The following EPB41L4A variants were observed in gnomAD, a reference collection of about 807,000 sequenced individuals.
The protein encoded by EPB41L4A is band 4.1-like protein 4A.
Under a neutral mutation model 108.6 loss-of-function variants are expected in EPB41L4A, and 100 were observed. The ratio of observed to expected loss-of-function variants is 0.92; its 90% CI spans 0.78 to 1.09. EPB41L4A has a LOEUF of 1.09. Ranked by LOEUF, EPB41L4A falls within the 50% of genes least tolerant of loss-of-function variation. The pLI, the probability that EPB41L4A is intolerant of heterozygous loss-of-function variation, is 0.00. For missense variants in EPB41L4A, 1,030 were observed against 842.7 expected, an observed-to-expected ratio of 1.22 and a Z score of -2.75; for synonymous variants, 319 against 289.0, an observed-to-expected ratio of 1.10 and a Z score of -1.05.
At chr5:112,283,088 G>C (rs1004067186) in intron 2 of EPB41L4A, among the ~76,000 whole-genome samples, 2 of 152,132 alleles carry the variant, frequency 1.3e-5, no homozygotes, top group Non-Finnish European at 2.9e-5. Context: ...TTCCTTGAGA[G>C]TGATTAAATT....
At chr5:112,295,951 T>C (rs1753959950) in intron 2 of EPB41L4A, among the ~76,000 whole-genome samples, 1 of 152,236 alleles carries the variant, frequency 6.6e-6, no homozygotes, top group African/African-American at 2.4e-5. Flanking sequence ...CTTTGCCTTA[T>C]CTGTCTTAGG....
intron 17 of EPB41L4A, chr5:112,191,945 T>C (rs183795818): frequency 2.6e-5 from 4 of 152,242 alleles, no homozygotes; most frequent in East Asian, 1.9e-4. Flanking sequence ...TTAGAGACCT[T>C]ATGGGCAAGA....
At chr5:112,267,978 C>T (rs1169666194) in intron 4 of EPB41L4A, among the ~76,000 whole-genome samples, 3 of 152,194 alleles carry the variant, frequency 2.0e-5, no homozygotes, top group African/African-American at 7.2e-5. Context: ...ATTTTCAATT[C>T]CCTGAATGTT....
In EPB41L4A at chr5:112,169,043, C is replaced by T. The variant is rs756855321; in HGVS notation, c.1802G>A (p.Arg601His). ...CTCCCCATCTGAACACTGGGACCTG[C>T]GATACTGGCGGTAACTTCGTGGCGA... is the stretch of plus-strand genomic sequence containing the variant. ...SHSPRSYRQY[R>H]RSQCSDGERS... is the part of the protein sequence containing the mutation. The change falls in exon 21 of 23, where the codon CGC (arginine) becomes CAC (histidine). Residue 601 changes from arginine to histidine, a missense_variant. Physicochemically the swap from Arg to His is conservative, Grantham distance 29. Coordinates refer to ENST00000261486, the MANE Select transcript of EPB41L4A (RefSeq NM_022140.5). 23 of 1,613,974 alleles carry T rather than the reference C, an allele frequency of 1.4e-5. No individual in the cohort carries two copies. The highest frequency in any genetic ancestry group is 5.3e-5 in the African/African-American group (4 of 74,900).
downstream of EPB41L4A, chr5:112,162,253 G>C (rs1340099846): frequency 1.3e-5 from 2 of 152,140 alleles, no homozygotes; most frequent in Non-Finnish European, 2.9e-5. Context: ...TTACCTGCTG[G>C]AGTCTGTAAA....
At chr5:112,210,086 G>C in intron 12 of EPB41L4A, 104 bp from the exon 13 acceptor site, 1 of 642,506 alleles carries the variant, frequency 1.6e-6, no homozygotes, top group Non-Finnish European at 2.7e-6. Context: ...GGACACTGTG[G>C]CACATTTTAT....
At chr5:112,190,446 C>T (rs552924894) in intron 17 of EPB41L4A, among the ~76,000 whole-genome samples, 74 of 152,034 alleles carry the variant, frequency 4.9e-4, no homozygotes, top group Non-Finnish European at 9.1e-4. Flanking sequence ...CAGCACCTAC[C>T]CATGAATCAC....
At chr5:112,243,976 T>A (rs1750013030) in intron 9 of EPB41L4A, among the ~76,000 whole-genome samples, 1 of 152,256 alleles carries the variant, frequency 6.6e-6, no homozygotes. Flanking sequence ...TTCAAGAATT[T>A]TTTCTTTGCA....
At chr5:112,204,667 C>G (rs1762385489) in intron 14 of EPB41L4A, 179 bp from the exon 15 acceptor site, 1 of 467,410 alleles carries the variant, frequency 2.1e-6, no homozygotes, top group South Asian at 3.7e-5. Context: ...TCTGGCAAAT[C>G]AAATCATAAA....
chr5:112,172,979 C>T (rs1047228755), intron 18 of EPB41L4A, among the ~76,000 whole-genome samples: 2 of 152,128 alleles, frequency 1.3e-5, no homozygotes, highest in African/African-American at 2.4e-5. Context: ...CCCAACTAGA[C>T]GCCAGTAGCA....
chr5:112,278,720 A>G (rs1160813613), intron 3 of EPB41L4A, among the ~76,000 whole-genome samples: 1 of 152,000 alleles, frequency 6.6e-6, no homozygotes, highest in East Asian at 1.9e-4. Flanking sequence ...ACCTTGATAG[A>G]AATATCAACT....
chr5:112,216,448 C>T (rs780391118), intron 12 of EPB41L4A, among the ~76,000 whole-genome samples: 8 of 152,166 alleles, frequency 5.3e-5, no homozygotes, highest in East Asian at 1.9e-4. Context: ...ATTTGGAAAG[C>T]GAGAATACCT....
intron 12 of EPB41L4A, among the ~76,000 whole-genome samples, chr5:112,149,170 C>G (rs1419953864): frequency 6.6e-6 from 1 of 152,078 alleles, no homozygotes; most frequent in East Asian, 1.9e-4. Context: ...AGAATTAGAT[C>G]AAGTTACTTT....
At chr5:112,329,464 C>G (rs993575337) in intron 1 of EPB41L4A, among the ~76,000 whole-genome samples, 1 of 152,214 alleles carries the variant, frequency 6.6e-6, no homozygotes, top group African/African-American at 2.4e-5. Context: ...AGTCCTGGCT[C>G]TGCTATTAAC....
intron 1 of EPB41L4A, among the ~76,000 whole-genome samples, chr5:112,334,780 T>C (rs1756810752): frequency 6.6e-6 from 1 of 152,198 alleles, no homozygotes; most frequent in Admixed American, 6.5e-5. Context: ...CTCCTGAGGC[T>C]GTGTCATGAG....
intron 20 of EPB41L4A, chr5:112,170,001 T>TA: frequency 2.9e-6 from 1 of 343,216 alleles, no homozygotes; most frequent in Non-Finnish European, 5.3e-6. Flanking sequence ...AAATAATGGA[T>TA]AAAAAACTTT....
In EPB41L4A at chr5:112,170,314, A is replaced by T; in HGVS notation, c.1726T>A (p.Tyr576Asn). 6.2e-7 allele frequency: 1 copy of T among 1,613,504 alleles called. No individual in the cohort carries two copies. Among genetic ancestry groups the T allele is most frequent in the Non-Finnish European group, 8.5e-7 (1 of 1,179,752 alleles). The change falls in exon 20 of 23, where the codon TAC becomes AAC. Residue 576 changes from tyrosine (Y) to asparagine (N), a missense_variant. Physicochemically the swap from Tyr to Asn is moderately radical, Grantham distance 143. Coordinates refer to ENST00000261486, the MANE Select transcript of EPB41L4A (RefSeq NM_022140.5). ...AAAGGCACTCACTCTATTTTAGTGTATGGAATCTCTTTTAATTGTTCTTCG... is the reference window on the plus strand; with the variant it reads ...AAAGGCACTCACTCTATTTTAGTGTTTGGAATCTCTTTTAATTGTTCTTCG... Reference protein sequence around the residue: ...LSEEQLKEIPYTKIETQGDPI... With the variant: ...LSEEQLKEIPNTKIETQGDPI...
intron 17 of EPB41L4A, among the ~76,000 whole-genome samples, chr5:112,187,703 T>C (rs150672385): frequency 6.6e-6 from 1 of 152,362 alleles, no homozygotes; most frequent in East Asian, 1.9e-4. Context: ...CCGAGTTTTA[T>C]TGTGTCCTCT....
At chr5:112,281,834 T>G (rs988124880) in intron 2 of EPB41L4A, among the ~76,000 whole-genome samples, 3 of 152,204 alleles carry the variant, frequency 2.0e-5, no homozygotes, top group African/African-American at 7.2e-5. Flanking sequence ...ACTATGACTA[T>G]GAATACAACT....
Sources: gnomAD v4.1 joint callset for allele counts (sites outside exome capture counted in the v4.1 genomes callset) on GRCh38, gnomAD v4.1.1 for gene constraint, MANE v1.5 for transcripts, NCBI Gene and HGNC (gene_info 2026-07-23, HGNC 2026-07-21) for gene names.